The following STPG2 variants were observed in gnomAD, a reference collection of about 807,000 sequenced individuals.
STPG2 encodes the protein sperm tail PG-rich repeat containing 2.
In STPG2, 56 loss-of-function variants were observed where a neutral mutation model predicts 54.2. The observed-to-expected ratio is 1.03, with a 90% CI of 0.83 to 1.29. STPG2 has a LOEUF of 1.29. STPG2 is among the 50% of genes most tolerant of loss of function. The pLI is 0.00. For missense variants in STPG2, 596 were observed against 544.9 expected, an observed-to-expected ratio of 1.09 and a Z score of -0.93; for synonymous variants, 200 against 181.8, an observed-to-expected ratio of 1.10 and a Z score of -0.81.
At chr4:97,800,808 C>T (rs1023256139) in intron 9 of STPG2, among the ~76,000 whole-genome samples, 46 of 152,276 alleles carry the variant, frequency 3.0e-4, no homozygotes, top group African/African-American at 1.1e-3. Context: ...GGCAGGCCTC[C>T]TTGAGCTGTG....
chr4:97,862,881 A>G (rs1205330436), intron 8 of STPG2, among the ~76,000 whole-genome samples: 1 of 152,220 alleles, frequency 6.6e-6, no homozygotes, highest in African/African-American at 2.4e-5. Flanking sequence ...AGAAATAAAG[A>G]CGTTCTTTGA....
intron 4 of STPG2, among the ~76,000 whole-genome samples, chr4:97,518,001 CTA>C (rs965216103): frequency 2.0e-5 from 3 of 152,096 alleles, no homozygotes; most frequent in Admixed American, 1.3e-4. Context: ...CTTTCTAAAA[CTA>C]TATATCAAGG....
chr4:97,511,576 AC>A (rs1182603985), intron 4 of STPG2, among the ~76,000 whole-genome samples: 2 of 152,052 alleles, frequency 1.3e-5, no homozygotes, highest in Admixed American at 6.6e-5. Flanking sequence ...CAACAAAAAA[AC>A]AGTAACACTT....
chr4:97,716,861 C>A (rs2149011901), intron 9 of STPG2, among the ~76,000 whole-genome samples: 2 of 151,860 alleles, frequency 1.3e-5, no homozygotes, highest in East Asian at 3.9e-4. Flanking sequence ...GCACATGTAT[C>A]CCAGATCTTA....
chr4:97,747,629 T>G (rs1725458959), intron 9 of STPG2, among the ~76,000 whole-genome samples: 1 of 151,372 alleles, frequency 6.6e-6, no homozygotes, highest in African/African-American at 2.4e-5. Context: ...TTCTTGGGAG[T>G]ATCTTTTTAC....
intron 5 of STPG2, among the ~76,000 whole-genome samples, chr4:98,057,394 C>CA (rs1309456184): frequency 6.6e-6 from 1 of 152,032 alleles, no homozygotes; most frequent in Non-Finnish European, 1.5e-5. Flanking sequence ...AAACACACTA[C>CA]AAAAATGTCA....
At chr4:97,821,151 G>C (rs1728078719) in intron 9 of STPG2, among the ~76,000 whole-genome samples, 1 of 152,138 alleles carries the variant, frequency 6.6e-6, no homozygotes, top group Admixed American at 6.5e-5. Context: ...AGGTACAATG[G>C]AGGTTCAGGA....
At chr4:98,098,544 T>C (rs7686456) in intron 5 of STPG2, among the ~76,000 whole-genome samples, 60,174 of 151,918 alleles carry the variant, frequency 0.4, 12,154 homozygotes, top group Middle Eastern at 0.46. Flanking sequence ...GGAGAAACTC[T>C]CCAGGACATT....
intron 10 of STPG2, among the ~76,000 whole-genome samples, chr4:97,679,358 G>C (rs1378524934): frequency 6.6e-6 from 1 of 152,040 alleles, no homozygotes; most frequent in Non-Finnish European, 1.5e-5. Flanking sequence ...GTTTTGATTT[G>C]CATTTCTCTG....
chr4:97,471,102 C>A (rs188492022), intron 4 of STPG2, among the ~76,000 whole-genome samples: 7 of 152,246 alleles, frequency 4.6e-5, no homozygotes, highest in Admixed American at 6.5e-5. Context: ...TGGAGCAGGG[C>A]AGCCTGAGAT....
intron 3 of STPG2, among the ~76,000 whole-genome samples, chr4:98,123,818 A>G (rs1455198206): frequency 6.6e-6 from 1 of 152,154 alleles, no homozygotes; most frequent in Non-Finnish European, 1.5e-5. Flanking sequence ...GTGGGAATCT[A>G]AGTCTCTTTG....
At chr4:97,623,823 T>C (rs571801374) in intron 10 of STPG2, among the ~76,000 whole-genome samples, 93 of 152,178 alleles carry the variant, frequency 6.1e-4, no homozygotes, top group African/African-American at 2.1e-3. Flanking sequence ...AGTGTGTGTT[T>C]TTCCCCTCCC....
chr4:97,666,310 C>T (rs973982264), intron 10 of STPG2, among the ~76,000 whole-genome samples: 30 of 152,176 alleles, frequency 2.0e-4, no homozygotes, highest in African/African-American at 7.2e-4. Context: ...AGATGGGATG[C>T]CTACCACTGC....
chr4:97,462,910 C>T (rs1448801318), intron 4 of STPG2, among the ~76,000 whole-genome samples: 2 of 152,056 alleles, frequency 1.3e-5, no homozygotes, highest in Non-Finnish European at 2.9e-5. Flanking sequence ...TTCCTGATGA[C>T]TTCCCAGTGA....
At chr4:97,594,579 A>G (rs1733232110) in intron 10 of STPG2, among the ~76,000 whole-genome samples, 1 of 152,220 alleles carries the variant, frequency 6.6e-6, no homozygotes, top group African/African-American at 2.4e-5. Flanking sequence ...CCTACTTCAG[A>G]ATATTGTTCA....
chr4:98,000,867 T>C (rs554976535), intron 5 of STPG2, among the ~76,000 whole-genome samples: 2 of 152,110 alleles, frequency 1.3e-5, no homozygotes, highest in African/African-American at 4.8e-5. Context: ...TAGCTGACTA[T>C]ATGTTCAGTA....
chr4:97,565,185 C>G (rs1732393062), intron 10 of STPG2, among the ~76,000 whole-genome samples: 1 of 152,110 alleles, frequency 6.6e-6, no homozygotes, highest in Non-Finnish European at 1.5e-5. Context: ...TCATTCATTT[C>G]ATCTTCCATC....
At chr4:97,911,390 G>A (rs1198612828) in intron 8 of STPG2, among the ~76,000 whole-genome samples, 5 of 152,178 alleles carry the variant, frequency 3.3e-5, no homozygotes, top group Admixed American at 3.3e-4. Flanking sequence ...CACTGGCTTG[G>A]AACTCCAGAC....
At chr4:97,613,791 T>C (rs1449627347) in intron 10 of STPG2, among the ~76,000 whole-genome samples, 1 of 152,082 alleles carries the variant, frequency 6.6e-6, no homozygotes, top group Non-Finnish European at 1.5e-5. Context: ...GATGCTTCTA[T>C]CCTTTTGAGG....
Sources: gnomAD v4.1 joint callset for allele counts (sites outside exome capture counted in the v4.1 genomes callset) on GRCh38, gnomAD v4.1.1 for gene constraint, MANE v1.5 for transcripts, NCBI Gene and HGNC (gene_info 2026-07-23, HGNC 2026-07-21) for gene names.